The following ATP7B variants were observed in gnomAD, a reference collection of about 807,000 sequenced individuals.
ATP7B encodes the protein copper-transporting ATPase 2.
In ATP7B, 113 loss-of-function variants were observed where a neutral mutation model predicts 118.9. The ratio of observed to expected loss-of-function variants is 0.95; its 90% CI spans 0.82 to 1.11. The LOEUF is 1.11. Among genes scored for constraint, ATP7B ranks in the 50% most tolerant of loss-of-function variants. The pLI, the probability that ATP7B is intolerant of heterozygous loss-of-function variation, is 0.00. For missense variants in ATP7B, 1,867 were observed against 1,871.4 expected (o/e 1.00, Z 0.04); for synonymous variants, 777 against 727.4 (o/e 1.07, Z -1.10).
In ATP7B at chr13:51,985,123, G is replaced by A. The variant is rs150930311; in HGVS notation, c.52-9955C>T. Among the ~76,000 whole-genome samples, 157 of 152,190 alleles carry A rather than the reference G, an allele frequency of 1.0e-3. 2 individuals carry two copies. The East Asian group carries it at 0.027, about 26-fold the overall frequency. ...CCCCAATTAAAAGACACAGACTGGC[G>A]AATTGGATAAAGAGTCAAGACTCAT... On this transcript the variant is annotated intron_variant, in intron 1 of 20. Coordinates refer to ENST00000242839, the MANE Select transcript of ATP7B (RefSeq NM_000053.4).
chr13:51,941,228 T>C lies in ATP7B; in HGVS notation c.3413-4A>G. The C allele has an allele frequency of 6.2e-7, 1 of 1,614,182 alleles. No individual in the cohort carries two copies. Among genetic ancestry groups the C allele is most frequent in the East Asian group, 2.2e-5 (1 of 44,882 alleles). On this transcript the variant is annotated splice_polypyrimidine_tract_variant and splice_region_variant and intron_variant, in intron 15 of 20. Transcript: ENST00000242839. ...GAGAAGGTCTGGGGGACTGCATCTA[T>C]TCAAAAGAGGCTGTGGTTATTTCTA...
chr13:52,004,032 C>A (rs1315558628), intron 1 of ATP7B, among the ~76,000 whole-genome samples: 2 of 151,968 alleles, frequency 1.3e-5, no homozygotes, highest in Non-Finnish European at 2.9e-5. Flanking sequence ...CCGAGGGGGG[C>A]GGATTACCTG....
At position 51,957,442 on chromosome 13, in the gene ATP7B, A is replaced by G. The variant is rs147246003; in HGVS notation, c.2447+74T>C. The G allele has an allele frequency of 3.9e-5, 56 of 1,443,646 alleles. No homozygotes were observed. The African/African-American group carries it at 7.0e-4, about 18-fold the overall frequency. 89.4% of individuals were successfully genotyped at this position (1,443,646 alleles called of 1,614,324 possible). A position where few individuals can be genotyped will look rare whatever the true frequency, so the allele number is the denominator to read the frequency against. On this transcript the variant is annotated intron_variant, in intron 9 of 20. Coordinates refer to ENST00000242839, the MANE Select transcript of ATP7B (RefSeq NM_000053.4). ...ACAAGGTCTATTGCAATGTCAATAC[A>G]ACATGGGCATCTGATGCAGCTCACA...
chr13:51,948,716 C>T (rs1377685529), intron 12 of ATP7B, among the ~76,000 whole-genome samples: 1 of 152,098 alleles, frequency 6.6e-6, no homozygotes, highest in Non-Finnish European at 1.5e-5. Flanking sequence ...AGCTTTTATT[C>T]CTCAAGCAGA....
rs1951995908 is a variant in ATP7B at position 51,974,297 on chromosome 13, G to A, written c.923C>T (p.Pro308Leu). Residue 308 changes from proline to leucine, a missense_variant, in exon 2 of 21, where the codon CCA becomes CTA. Pro to Leu is a moderately conservative substitution (Grantham distance 98). Transcript: ENST00000242839. ...CTCGATAGCCCTCTGCAGAGCCACT[G>A]GGCTGGTACAAGAAGGGTCATACTT... ...QVKYDPSCTSPVALQRAIEAL... is the reference protein window; with the variant it reads ...QVKYDPSCTSLVALQRAIEAL... 6.2e-7 allele frequency: 1 copy of A among 1,614,122 alleles called. No homozygotes were observed. The highest frequency in any genetic ancestry group is 8.5e-7 in the Non-Finnish European group (1 of 1,180,024).
At chr13:51,982,641 G>A (rs938970608) in intron 1 of ATP7B, among the ~76,000 whole-genome samples, 4 of 152,276 alleles carry the variant, frequency 2.6e-5, no homozygotes, top group South Asian at 2.1e-4. Context: ...CAAGATGGCC[G>A]AATAGGAACA....
At chr13:51,952,145 T>G (rs900504523) in intron 9 of ATP7B, among the ~76,000 whole-genome samples, 1 of 152,202 alleles carries the variant, frequency 6.6e-6, no homozygotes, top group Non-Finnish European at 1.5e-5. Flanking sequence ...ACATGTGAAC[T>G]GTGTGCTAGT....
rs1349893474 is a variant in ATP7B, at chr13:51,935,476, A to G, written c.4124+117T>C. 6 of 1,155,198 alleles carry G rather than the reference A, an allele frequency of 5.2e-6. No individual in the cohort carries two copies. In the East Asian group the frequency reaches 7.7e-5, roughly 15 times the overall value. 71.6% of individuals were successfully genotyped at this position (1,155,198 alleles called of 1,614,324 possible). A position where few individuals can be genotyped will look rare whatever the true frequency, so the allele number is the denominator to read the frequency against. On this transcript the variant is annotated intron_variant, in intron 20 of 20. Transcript: ENST00000242839. ...CAGGCTCCATGTGGGCTGCCACTGCAGCATTTGTCCCAGGTGAATGAATGG... is the reference window on the plus strand; with the variant it reads ...CAGGCTCCATGTGGGCTGCCACTGCGGCATTTGTCCCAGGTGAATGAATGG...
At chr13:51,965,100 G>A in intron 4 of ATP7B, 67 bp from the exon 5 acceptor site, 2 of 1,600,884 alleles carry the variant, frequency 1.2e-6, no homozygotes, top group Non-Finnish European at 1.7e-6. Context: ...AGCCAGTCCA[G>A]GGAGTCTAGG....
chr13:52,003,135 T>C (rs1383627750), intron 1 of ATP7B, among the ~76,000 whole-genome samples: 1 of 152,250 alleles, frequency 6.6e-6, no homozygotes, highest in Non-Finnish European at 1.5e-5. Context: ...ACTTTACCTT[T>C]GCATTAAAAA....
At chr13:51,972,778 T>A (rs1033797346) in intron 2 of ATP7B, among the ~76,000 whole-genome samples, 1 of 152,110 alleles carries the variant, frequency 6.6e-6, no homozygotes, top group African/African-American at 2.4e-5. Flanking sequence ...GGCGGGAGGA[T>A]TGCTAGAGGC....
At chr13:51,991,839 G>A (rs1018395785) in intron 1 of ATP7B, among the ~76,000 whole-genome samples, 6 of 152,138 alleles carry the variant, frequency 3.9e-5, no homozygotes, top group Non-Finnish European at 8.8e-5. Flanking sequence ...TTATGGAGGG[G>A]ATTTGCGGGG....
intron 1 of ATP7B, among the ~76,000 whole-genome samples, chr13:51,998,924 C>T (rs115097754): frequency 0.012 from 1,857 of 152,280 alleles, 39 homozygotes; most frequent in African/African-American, 0.043. Flanking sequence ...ACGAAATCCC[C>T]AGGCCATCCC....
At chr13:52,002,340 T>A (rs1462262404) in intron 1 of ATP7B, among the ~76,000 whole-genome samples, 1 of 150,406 alleles carries the variant, frequency 6.6e-6, no homozygotes, top group East Asian at 2.0e-4. Flanking sequence ...AATGGGAGGA[T>A]CACTTGAGCC....
At chr13:51,947,209 G>A (rs550834424) in intron 12 of ATP7B, among the ~76,000 whole-genome samples, 25 of 152,270 alleles carry the variant, frequency 1.6e-4, no homozygotes, top group South Asian at 4.1e-4. Flanking sequence ...CGCATGTGCT[G>A]GGATTTATTC....
chr13:51,946,312 C>A lies in ATP7B; in HGVS notation c.3032G>T (p.Gly1011Val). Residue 1011 changes from glycine to valine, a missense_variant, in exon 13 of 21, where the codon GGA becomes GTA. Transcript: ENST00000242839. ...VAAQNGILIK[G>V]GKPLEMAHKI... ...GTGCGCCATCTCCAGGGGCTTGCCT[C>A]CCTTGATGAGGATGCCGTTCTGCGC... 1 of 1,600,116 alleles carries A rather than the reference C, an allele frequency of 6.2e-7. No homozygotes were observed. The highest frequency in any genetic ancestry group is 8.5e-7 in the Non-Finnish European group (1 of 1,173,800).
chr13:51,968,415 T>C (rs937540860), intron 4 of ATP7B, 29 bp downstream of exon 4: 2 of 1,613,300 alleles, frequency 1.2e-6, no homozygotes, highest in East Asian at 2.2e-5. Flanking sequence ...CAGAAGCCTG[T>C]AACCCCGTAA....
chr13:51,964,108 AACACACACACACAC>A (rs17334263), intron 5 of ATP7B, among the ~76,000 whole-genome samples: 6 of 145,748 alleles, frequency 4.1e-5, no homozygotes, highest in East Asian at 4.0e-4. Flanking sequence ...TCTCTCTTTA[AACACACACACACAC>A]ACACACACAC....
Position 51,939,123 on chromosome 13 carries a change from C to T in ATP7B, c.3627G>A (p.Leu1209=). 6.2e-7 allele frequency: 1 copy of T among 1,614,250 alleles called. No homozygotes were observed. Among genetic ancestry groups the T allele is most frequent in the Non-Finnish European group, 8.5e-7 (1 of 1,180,048 alleles). The change falls in exon 17 of 21, where the codon CTG becomes CTA. Residue 1209 remains leucine (L), a synonymous_variant. Coordinates refer to ENST00000242839, the MANE Select transcript of ATP7B (RefSeq NM_000053.4). ...KQEAALAVHT[L]QSMGVDVVLI... is the part of the protein sequence containing the mutation. Reference sequence around the variant, plus strand: ...GAACCACGTCCACACCCATGCTCTGCAGCGTGTGCACAGCCAGGGCAGCCT... The same window carrying T: ...GAACCACGTCCACACCCATGCTCTGTAGCGTGTGCACAGCCAGGGCAGCCT...
Sources: gnomAD v4.1 joint callset for allele counts (sites outside exome capture counted in the v4.1 genomes callset) on GRCh38, gnomAD v4.1.1 for gene constraint, MANE v1.5 for transcripts, NCBI Gene and HGNC (gene_info 2026-07-23, HGNC 2026-07-21) for gene names.